The following RABEP1 variants were observed in gnomAD, a reference collection of about 807,000 sequenced individuals.
RABEP1 encodes rabaptin, RAB GTPase binding effector protein 1, also known as rab GTPase-binding effector protein 1.
Under a neutral mutation model 123.4 loss-of-function variants are expected in RABEP1, and 51 were observed. That is an observed-to-expected ratio of 0.41 (90% CI 0.33 to 0.52). The LOEUF (loss-of-function observed/expected upper bound fraction) is 0.52, where lower values mean the gene tolerates loss of function less well. Among genes scored for constraint, RABEP1 ranks in the 20% least tolerant of loss-of-function variants. The probability of loss-of-function intolerance (pLI) is 0.16; values close to 1 mark genes in which losing one functional copy is unlikely to be tolerated. For synonymous variants in RABEP1, 347 were observed against 355.2 expected (o/e 0.98, Z 0.26); for missense variants, 888 against 996.3 (o/e 0.89, Z 1.46).
intron 8 of RABEP1, among the ~76,000 whole-genome samples, chr17:5,357,113 T>G (rs547164317): frequency 2.0e-5 from 3 of 152,186 alleles, no homozygotes; most frequent in Non-Finnish European, 4.4e-5. Context: ...CCTGATCTCG[T>G]GATCCACCCA....
intron 5 of RABEP1, among the ~76,000 whole-genome samples, chr17:5,343,768 C>T (rs1020555163): frequency 1.3e-5 from 2 of 149,408 alleles, no homozygotes; most frequent in Non-Finnish European, 3.0e-5. Context: ...CTCCACCTCC[C>T]AGGTTCAAGC....
intron 5 of RABEP1, among the ~76,000 whole-genome samples, chr17:5,343,609 G>A (rs1907800470): frequency 6.7e-6 from 1 of 150,034 alleles, no homozygotes; most frequent in Non-Finnish European, 1.5e-5. Context: ...CGTACTATCT[G>A]ATAGGTAGAC....
At chr17:5,303,577 T>C (rs970201124) in intron 1 of RABEP1, among the ~76,000 whole-genome samples, 1 of 152,184 alleles carries the variant, frequency 6.6e-6, no homozygotes, top group African/African-American at 2.4e-5. Flanking sequence ...AGAAACAAGA[T>C]AAGACATATG....
intron 10 of RABEP1, 109 bp from the exon 11 acceptor site, chr17:5,365,013 C>T (rs1265898009): frequency 5.9e-6 from 4 of 673,548 alleles, no homozygotes; most frequent in East Asian, 6.1e-5. Context: ...GTGGTGTTTC[C>T]CAGAAAAAGA....
At chr17:5,317,624 A>G (rs1204049011) in intron 2 of RABEP1, among the ~76,000 whole-genome samples, 1 of 10,272 alleles carries the variant, frequency 9.7e-5, no homozygotes, top group Non-Finnish European at 1.9e-4. Flanking sequence ...CATACTGGAA[A>G]GGATATATAT....
chr17:5,348,158 G>A (rs1031993477), intron 6 of RABEP1, among the ~76,000 whole-genome samples: 2 of 152,098 alleles, frequency 1.3e-5, no homozygotes, highest in African/African-American at 4.8e-5. Context: ...TGTATTTTTA[G>A]TAGAGATGGG....
chr17:5,368,674 T>C (rs931185126), intron 12 of RABEP1, among the ~76,000 whole-genome samples: 1 of 152,164 alleles, frequency 6.6e-6, no homozygotes, highest in Non-Finnish European at 1.5e-5. Context: ...CAAACAAAAA[T>C]TTTTTCTCAT....
chr17:5,318,666 A>T (rs1164550364), intron 2 of RABEP1, among the ~76,000 whole-genome samples: 2 of 152,196 alleles, frequency 1.3e-5, no homozygotes, highest in East Asian at 3.8e-4. Flanking sequence ...ATTCTCTATA[A>T]TCTTTCAGAA....
At chr17:5,333,823 C>T (rs1906790374) in intron 3 of RABEP1, among the ~76,000 whole-genome samples, 1 of 152,168 alleles carries the variant, frequency 6.6e-6, no homozygotes. Context: ...TGAAAAATAG[C>T]TGCTTCTCCT....
Position 5,349,195 on chromosome 17 carries a change from T to C in RABEP1, c.785-1256T>C, listed in dbSNP as rs17765700. On this transcript the variant is annotated intron_variant, in intron 6 of 17. Transcript: ENST00000537505. ...GGTTTTAGACTGGAGAGCGGTAATA[T>C]TAGTTTTGCGTTTTAGAAAGTTCAG... Among the ~76,000 whole-genome samples the C allele has an allele frequency of 8.8e-3, 1,346 of 152,262 alleles. 10 individuals are homozygous for C. Among genetic ancestry groups the C allele is most frequent in the Non-Finnish European group, 0.013 (883 of 68,026 alleles).
chr17:5,386,237 A>G lies in RABEP1; in HGVS notation c.*3014A>G, dbSNP rs1336110751. 6.2e-7 allele frequency: 1 copy of G among 1,613,442 alleles called. No homozygotes were observed. Among genetic ancestry groups the G allele is most frequent in the Admixed American group, 1.7e-5 (1 of 59,830 alleles). The stretch of plus-strand genomic sequence containing the variant: ...GTTTACATGATTGCGGATATCATTG[A>G]TTTGCTTCACCATTTCCCTTATATG... On this transcript the variant is annotated 3_prime_UTR_variant, in exon 18 of 18. Coordinates refer to ENST00000537505, the MANE Select transcript of RABEP1 (RefSeq NM_004703.6).
intron 1 of RABEP1, among the ~76,000 whole-genome samples, chr17:5,285,222 A>G (rs1392291867): frequency 6.6e-6 from 1 of 152,006 alleles, no homozygotes; most frequent in African/African-American, 2.4e-5. Flanking sequence ...AAAATTTTCT[A>G]ATTTTAGTAT....
rs56872783 is a variant in RABEP1, at chr17:5,382,864, G to A, written c.2488-258G>A. Among the ~76,000 whole-genome samples the A allele has an allele frequency of 3.0e-3, 453 of 151,332 alleles. 1 individual carries two copies. The highest frequency in any genetic ancestry group is 0.011 in the African/African-American group (437 of 41,022). On this transcript the variant is annotated intron_variant, in intron 17 of 17. Transcript: ENST00000537505. ...GAACCCGGGAGGTGGAGACTACAGTGAGCCGAGATCACACCATTGCACTCT... is the reference window on the plus strand; with the variant it reads ...GAACCCGGGAGGTGGAGACTACAGTAAGCCGAGATCACACCATTGCACTCT...
At chr17:5,307,266 C>T (rs1220892847) in intron 1 of RABEP1, among the ~76,000 whole-genome samples, 1 of 152,172 alleles carries the variant, frequency 6.6e-6, no homozygotes, top group Non-Finnish European at 1.5e-5. Flanking sequence ...TGCGGTGAGC[C>T]GAGATCGCCC....
At chr17:5,330,402 T>C in intron 2 of RABEP1, among the ~76,000 whole-genome samples, 1 of 152,242 alleles carries the variant, frequency 6.6e-6, no homozygotes, top group East Asian at 1.9e-4. Context: ...CCTCTGTGAC[T>C]TTGACTACCA....
intron 7 of RABEP1, among the ~76,000 whole-genome samples, chr17:5,351,290 A>G (rs919379079): frequency 1.8e-4 from 28 of 152,032 alleles, no homozygotes; most frequent in South Asian, 4.1e-4. Context: ...ATATATATTT[A>G]TATACATTAT....
Position 5,361,184 on chromosome 17 carries a change from G to A in RABEP1, c.1096-24G>A, listed in dbSNP as rs746002217. The A allele has an allele frequency of 2.5e-6, 4 of 1,585,494 alleles. No homozygotes were observed. The African/African-American group carries it at 4.1e-5, about 16-fold the overall frequency. On this transcript the variant is annotated intron_variant, in intron 8 of 17. Coordinates refer to ENST00000537505, the MANE Select transcript of RABEP1 (RefSeq NM_004703.6). Reference sequence around the variant, plus strand: ...AAAACGCAGAGAATTGTCTAACTTGGCCATATGTATTTTCACATTTCAGGA... The same window carrying A: ...AAAACGCAGAGAATTGTCTAACTTGACCATATGTATTTTCACATTTCAGGA...
chr17:5,292,871 A>G (rs992278810), intron 1 of RABEP1, among the ~76,000 whole-genome samples: 1 of 151,968 alleles, frequency 6.6e-6, no homozygotes, highest in Non-Finnish European at 1.5e-5. Context: ...TAGTAGAGAT[A>G]AGGTTTTTCC....
In RABEP1 at chr17:5,361,420, G is replaced by A; in HGVS notation, c.1308G>A (p.Glu436=). Residue 436 remains glutamate, a synonymous_variant, in exon 9 of 18, where the codon GAG becomes GAA. Transcript: ENST00000537505. ...YKAKSAGNLD[E]SDFGPLVGAD... ...CAAAATCTGCTGGAAACCTGGACGA[G>A]TCAGATTTTGGACCACTGGTAGGAG... is the stretch of plus-strand genomic sequence containing the variant. 1 of 1,614,168 alleles carries A rather than the reference G, an allele frequency of 6.2e-7. No individual in the cohort carries two copies. Among genetic ancestry groups the A allele is most frequent in the Middle Eastern group, 1.6e-4 (1 of 6,062 alleles).
Sources: allele counts gnomAD v4.1 joint callset (sites outside exome capture counted in the v4.1 genomes callset), GRCh38; gene constraint gnomAD v4.1.1; transcripts MANE v1.5; gene names NCBI Gene and HGNC (gene_info 2026-07-23, HGNC 2026-07-21).